The following C19orf47 variants were observed in gnomAD, a reference collection of about 807,000 sequenced individuals.
The protein encoded by C19orf47 is chromosome 19 open reading frame 47.
A neutral mutation model predicts 32.3 loss-of-function variants in C19orf47; 18 were observed. The ratio of observed to expected loss-of-function variants is 0.56; its 90% confidence interval spans 0.39 to 0.83. The LOEUF (loss-of-function observed/expected upper bound fraction) is 0.83, where lower values mean the gene tolerates loss of function less well. Ranked by LOEUF, C19orf47 falls within the 40% of genes least tolerant of loss-of-function variation. The probability of loss-of-function intolerance (pLI) is 0.00; values close to 1 mark genes in which losing one functional copy is unlikely to be tolerated. For synonymous variants in C19orf47, 202 were observed against 211.1 expected (o/e 0.96, Z 0.37); for missense variants, 484 against 531.6 (o/e 0.91, Z 0.88).
At chr19:40,329,253 A>G (rs1214000161) in intron 5 of C19orf47, among the ~76,000 whole-genome samples, 1 of 152,076 alleles carries the variant, frequency 6.6e-6, no homozygotes, top group Non-Finnish European at 1.5e-5. Flanking sequence ...CATGCCTGTA[A>G]TCCCTGCACT....
intron 1 of C19orf47, among the ~76,000 whole-genome samples, chr19:40,346,688 G>A (rs541616384): frequency 7.3e-5 from 11 of 151,152 alleles, no homozygotes; most frequent in Non-Finnish European, 1.3e-4. Context: ...CACCATGCCC[G>A]GCTAATTTTC....
At chr19:40,316,503 T>C (rs1302924480), downstream of C19orf47, among the ~76,000 whole-genome samples, 1 of 152,164 alleles carries the variant, frequency 6.6e-6, no homozygotes, top group Non-Finnish European at 1.5e-5. Context: ...ATTCGACAAG[T>C]CCAACAACTT....
intron 8 of C19orf47, among the ~76,000 whole-genome samples, chr19:40,323,669 C>A (rs1304355875): frequency 6.6e-6 from 1 of 152,148 alleles, no homozygotes; most frequent in Non-Finnish European, 1.5e-5. Context: ...ACAGTAGAGT[C>A]ATCAGACCCA....
chr19:40,328,651 G>C, intron 5 of C19orf47, 101 bp from the exon 6 acceptor site: 1 of 1,418,586 alleles, frequency 7.0e-7, no homozygotes, highest in Non-Finnish European at 9.5e-7. Flanking sequence ...GCTTGAGACT[G>C]AATGAGAAGG....
chr19:40,321,337 G>A lies in C19orf47; in HGVS notation c.*545C>T, dbSNP rs539212373. On this transcript the variant is annotated 3_prime_UTR_variant, in exon 9 of 9. Transcript: ENST00000683109. ...GTACAGGAGGGTCGGGCAGGACGCA[G>A]CGGACAGTCGGGCCTTGCCACGGGG... 37 of 987,602 alleles carry A rather than the reference G, an allele frequency of 3.7e-5. No individual in the cohort carries two copies. The highest frequency in any genetic ancestry group is 4.5e-5 in the Non-Finnish European group (37 of 831,252). The allele number at this position is 987,602 out of a possible 1,614,324, so 61.2% of individuals were successfully genotyped here.
At chr19:40,337,448 C>T (rs2078087999) in intron 2 of C19orf47, among the ~76,000 whole-genome samples, 1 of 151,882 alleles carries the variant, frequency 6.6e-6, no homozygotes, top group Non-Finnish European at 1.5e-5. Context: ...CTGACCCCAA[C>T]CTGCCAGGCC....
intron 2 of C19orf47, chr19:40,339,006 T>TG (rs1231891201): frequency 6.6e-6 from 1 of 152,298 alleles, no homozygotes; most frequent in Non-Finnish European, 1.5e-5. Context: ...CCACGTAGGT[T>TG]GGGGGTAGCT....
intron 1 of C19orf47, among the ~76,000 whole-genome samples, chr19:40,343,172 T>A (rs1015157615): frequency 6.6e-6 from 1 of 152,166 alleles, no homozygotes; most frequent in Non-Finnish European, 1.5e-5. Context: ...CTCTGCCCTC[T>A]TCCCTCACTC....
chr19:40,305,127 G>C, the C19orf47 span, among the ~76,000 whole-genome samples: 1 of 152,166 alleles, frequency 6.6e-6, no homozygotes, highest in Non-Finnish European at 1.5e-5. Flanking sequence ...CGGATCACCT[G>C]AGATCAGGAG....
chr19:40,348,264 G>T, intron 1 of C19orf47, 60 bp downstream of exon 1: 1 of 1,184,760 alleles, frequency 8.4e-7, no homozygotes, highest in Non-Finnish European at 1.1e-6. Flanking sequence ...CCAGACACCC[G>T]GACGCCACCC....
At chr19:40,333,438 CTA>C (rs2077996506) in intron 5 of C19orf47, among the ~76,000 whole-genome samples, 1 of 152,010 alleles carries the variant, frequency 6.6e-6, no homozygotes, top group Non-Finnish European at 1.5e-5. Flanking sequence ...GTGTTGTTGG[CTA>C]TGAGTTCCCG....
At chr19:40,310,374 GT>G in the C19orf47 span, among the ~76,000 whole-genome samples, 1 of 152,280 alleles carries the variant, frequency 6.6e-6, no homozygotes, top group East Asian at 1.9e-4. Flanking sequence ...ATGATCTCAG[GT>G]TCAAGCGATT....
At chr19:40,302,980 C>G in the C19orf47 span, among the ~76,000 whole-genome samples, 1 of 152,172 alleles carries the variant, frequency 6.6e-6, no homozygotes, top group Non-Finnish European at 1.5e-5. Context: ...TGGGATCACA[C>G]CTATAATCCC....
the C19orf47 span, among the ~76,000 whole-genome samples, chr19:40,303,925 G>C: frequency 6.6e-6 from 1 of 151,244 alleles, no homozygotes; most frequent in African/African-American, 2.4e-5. Flanking sequence ...CTTTGATCCA[G>C]CATCTAGAAA....
At chr19:40,294,317 A>C in the C19orf47 span, among the ~76,000 whole-genome samples, 1 of 152,298 alleles carries the variant, frequency 6.6e-6, no homozygotes, top group African/African-American at 2.4e-5. Context: ...AGCGGAAGCA[A>C]GATAGGTAAG....
chr19:40,337,713 C>T (rs991734655), intron 2 of C19orf47, among the ~76,000 whole-genome samples: 4 of 152,110 alleles, frequency 2.6e-5, no homozygotes, highest in Admixed American at 2.6e-4. Context: ...AGTGGCAGTG[C>T]GGGGCTCAGG....
chr19:40,338,618 T>C (rs2078117155), intron 2 of C19orf47, among the ~76,000 whole-genome samples: 1 of 152,036 alleles, frequency 6.6e-6, no homozygotes, highest in Admixed American at 6.6e-5. Flanking sequence ...CTCCTGACCG[T>C]GTGATCCACA....
Position 40,328,501 on chromosome 19 carries a change from G to A in C19orf47, c.351C>T (p.Ser117=). 6.2e-7 allele frequency: 1 copy of A among 1,611,720 alleles called. No homozygotes were observed. The highest frequency in any genetic ancestry group is 2.2e-5 in the East Asian group (1 of 44,594). ...TGGTGTCCGGGCGCCTGGGGGGTGTGCTGGGTGGAGAGTCATGGTTCAGGC... is the reference window on the plus strand; with the variant it reads ...TGGTGTCCGGGCGCCTGGGGGGTGTACTGGGTGGAGAGTCATGGTTCAGGC... The part of the protein sequence containing the change: ...TNSLNHDSPP[S]TPPRRPDTST... Residue 117 remains serine (S), a synonymous_variant, in exon 6 of 9, where the codon AGC becomes AGT. Transcript: ENST00000683109.
the C19orf47 span, among the ~76,000 whole-genome samples, chr19:40,302,428 A>AT: frequency 6.6e-6 from 1 of 152,050 alleles, no homozygotes; most frequent in East Asian, 1.9e-4. Flanking sequence ...AACATGTCTA[A>AT]TTTTTTTGTA....
Sources: gnomAD v4.1 joint callset for allele counts (sites outside exome capture counted in the v4.1 genomes callset) on GRCh38, gnomAD v4.1.1 for gene constraint, MANE v1.5 for transcripts, NCBI Gene and HGNC (gene_info 2026-07-23, HGNC 2026-07-21) for gene names.